CUX1: variants seen among roughly 807,000 people sequenced by gnomAD.
CUX1 encodes the protein protein CASP.
Under a neutral mutation model 158.8 loss-of-function variants are expected in CUX1, and 31 were observed. That is an observed-to-expected ratio of 0.20 (90% CI 0.15 to 0.26). The LOEUF (loss-of-function observed/expected upper bound fraction) is 0.26, where lower values mean the gene tolerates loss of function less well. CUX1 is among the 10% of genes least tolerant of loss of function. CUX1 has a pLI of 1.00. For missense variants in CUX1, 1,589 were observed against 2,014.6 expected, an observed-to-expected ratio of 0.79 and a Z score of 4.04; for synonymous variants, 879 against 862.1, an observed-to-expected ratio of 1.02 and a Z score of -0.34.
At chr7:102,192,075 T>C (rs1794338021) in intron 12 of CUX1, among the ~76,000 whole-genome samples, 1 of 152,188 alleles carries the variant, frequency 6.6e-6, no homozygotes, top group Non-Finnish European at 1.5e-5. Flanking sequence ...CCAAATGCGC[T>C]CCTAGTTTTC....
At chr7:101,868,188 GTC>G (rs1207936546) in intron 1 of CUX1, among the ~76,000 whole-genome samples, 1 of 152,150 alleles carries the variant, frequency 6.6e-6, no homozygotes, top group Admixed American at 6.5e-5. Flanking sequence ...TTTAGCTGTT[GTC>G]TCTGTGTTGA....
At chr7:102,153,619 C>G (rs1482435648) in intron 8 of CUX1, 1 of 152,278 alleles carries the variant, frequency 6.6e-6, no homozygotes, top group African/African-American at 2.4e-5. Flanking sequence ...TCCCTTCCTT[C>G]CTATGTTCGG....
At chr7:101,900,323 C>T (rs541238159) in intron 1 of CUX1, among the ~76,000 whole-genome samples, 9 of 152,284 alleles carry the variant, frequency 5.9e-5, no homozygotes, top group South Asian at 2.1e-4. Context: ...CCAGCGGTAC[C>T]GGTGCCAGGA....
At chr7:101,975,594 C>G (rs1304654737) in intron 2 of CUX1, among the ~76,000 whole-genome samples, 3 of 152,086 alleles carry the variant, frequency 2.0e-5, no homozygotes, top group Non-Finnish European at 4.4e-5. Flanking sequence ...GTTGTCACTC[C>G]TCACCAGTGA....
intron 2 of CUX1, among the ~76,000 whole-genome samples, chr7:101,949,611 AC>A (rs1251094245): frequency 6.7e-6 from 1 of 149,972 alleles, no homozygotes. Flanking sequence ...GCTCACTGCA[AC>A]CTCCACCTCC....
chr7:101,943,967 A>T (rs965143244), intron 2 of CUX1, among the ~76,000 whole-genome samples: 3 of 145,246 alleles, frequency 2.1e-5, no homozygotes, highest in African/African-American at 7.6e-5. Context: ...TAAAAATTAA[A>T]AAAAAAAAAA....
At chr7:102,038,639 A>G (rs1369875347) in intron 3 of CUX1, among the ~76,000 whole-genome samples, 3 of 152,094 alleles carry the variant, frequency 2.0e-5, no homozygotes, top group East Asian at 3.9e-4. Flanking sequence ...CGGCAGTTTC[A>G]CTCCTAAATA....
At chr7:102,172,585 A>G (rs1791851039) in intron 10 of CUX1, among the ~76,000 whole-genome samples, 1 of 152,170 alleles carries the variant, frequency 6.6e-6, no homozygotes, top group South Asian at 2.1e-4. Context: ...CAAAACCTCC[A>G]TGAATGTAAA....
chr7:102,244,761 C>A (rs1800627093), intron 23 of CUX1, among the ~76,000 whole-genome samples: 1 of 152,148 alleles, frequency 6.6e-6, no homozygotes, highest in African/African-American at 2.4e-5. Flanking sequence ...GAACAACATG[C>A]CACAGGACAC....
chr7:102,217,336 G>A (rs1797331762), intron 20 of CUX1, among the ~76,000 whole-genome samples: 1 of 152,248 alleles, frequency 6.6e-6, no homozygotes, highest in Non-Finnish European at 1.5e-5. Flanking sequence ...TGAGCCCAGA[G>A]GGAAAGTGAC....
chr7:101,860,821 T>TG (rs1797380929), intron 1 of CUX1, among the ~76,000 whole-genome samples: 1 of 146,532 alleles, frequency 6.8e-6, no homozygotes, highest in Non-Finnish European at 1.5e-5. Flanking sequence ...TTCCTTTTTT[T>TG]AAAGAGACAG....
chr7:101,841,388 T>C (rs181985722), intron 1 of CUX1, among the ~76,000 whole-genome samples: 1 of 152,236 alleles, frequency 6.6e-6, no homozygotes, highest in Admixed American at 6.5e-5. Context: ...TATTTTTAGT[T>C]GTACATAGAG....
chr7:102,276,161 A>T lies in CUX1; in HGVS notation c.1563+802A>T, dbSNP rs1394011402. On this transcript the variant is annotated intron_variant, in intron 17 of 22. Coordinates refer to the CUX1 transcript ENST00000292538. ...ATTCTGCTGTGAACATGGGTGTATA[A>T]ATATCTCTCCAAGTCTCTGCCTTCA... is the stretch of plus-strand genomic sequence containing the variant. Among the ~76,000 whole-genome samples, 3 of 152,082 alleles carry T rather than the reference A, an allele frequency of 2.0e-5. No homozygotes were observed. In the East Asian group the frequency reaches 5.8e-4, roughly 29 times the overall value.
At chr7:102,146,351 C>A (rs114768011) in intron 8 of CUX1, among the ~76,000 whole-genome samples, 2,462 of 152,318 alleles carry the variant, frequency 0.016, 63 homozygotes, top group African/African-American at 0.057. Context: ...CTCTGGTGAG[C>A]ACCCAGCCGG....
In CUX1 at chr7:102,223,512, G is replaced by A. The variant is rs76370342; in HGVS notation, c.3131-3855G>A. The stretch of plus-strand genomic sequence containing the variant: ...GTGCAGCGGGGAGAGTTGGCTTCCT[G>A]TAGGATTCACTGTCTGTCCTAACAG... On this transcript the variant is annotated intron_variant, in intron 20 of 23. Coordinates refer to ENST00000292535, the MANE Select transcript of CUX1 (RefSeq NM_181552.4). 2.8e-3 allele frequency among the ~76,000 whole-genome samples: 421 copies of A among 152,156 alleles called. 1 individual carries two copies. The highest frequency in any genetic ancestry group is 5.0e-3 in the Non-Finnish European group (341 of 68,012).
chr7:101,915,369 CT>C (rs1384277921), intron 1 of CUX1, among the ~76,000 whole-genome samples: 2 of 152,276 alleles, frequency 1.3e-5, no homozygotes, highest in Non-Finnish European at 1.5e-5. Flanking sequence ...CCTCAGCCCC[CT>C]AGCGGGTCCC....
At chr7:102,104,227 C>A in intron 5 of CUX1, 109 bp from the exon 6 acceptor site, 2 of 1,075,796 alleles carry the variant, frequency 1.9e-6, no homozygotes, top group South Asian at 1.5e-5. Flanking sequence ...AGTTGAAGAG[C>A]TAAGGTTTAA....
chr7:101,848,799 C>G (rs150894515), intron 1 of CUX1, among the ~76,000 whole-genome samples: 1 of 151,714 alleles, frequency 6.6e-6, no homozygotes, highest in East Asian at 1.9e-4. Flanking sequence ...ATTGTTGAGC[C>G]CAGGATTTCA....
intron 8 of CUX1, among the ~76,000 whole-genome samples, chr7:102,127,599 T>C (rs868934895): frequency 2.0e-5 from 3 of 151,930 alleles, no homozygotes; most frequent in Non-Finnish European, 2.9e-5. Context: ...TTACCTGACA[T>C]GTTGTAAATA....
Sources: allele counts gnomAD v4.1 joint callset (sites outside exome capture counted in the v4.1 genomes callset), GRCh38; gene constraint gnomAD v4.1.1; transcripts MANE v1.5; gene names NCBI Gene and HGNC (gene_info 2026-07-23, HGNC 2026-07-21).